The following ARHGEF10 variants were observed in gnomAD, a reference collection of about 807,000 sequenced individuals.
The protein encoded by ARHGEF10 is Rho guanine nucleotide exchange factor 10, also known as Rho guanine nucleotide exchange factor (GEF) 10.
In ARHGEF10, 140 loss-of-function variants were observed where a neutral mutation model predicts 147.4. That is an observed-to-expected ratio of 0.95 (90% CI 0.83 to 1.09). The LOEUF is 1.09. Ranked by LOEUF, ARHGEF10 falls within the 50% of genes least tolerant of loss-of-function variation. The probability of loss-of-function intolerance (pLI) is 0.00; values close to 1 mark genes in which losing one functional copy is unlikely to be tolerated. For synonymous variants in ARHGEF10, 902 were observed against 695.8 expected (o/e 1.30, Z -4.67); for missense variants, 2,222 against 1,752.7 (o/e 1.27, Z -4.78).
chr8:1,843,852 C>G (rs1804289753), intron 2 of ARHGEF10, among the ~76,000 whole-genome samples: 2 of 152,222 alleles, frequency 1.3e-5, no homozygotes, highest in Admixed American at 1.3e-4. Context: ...CCTCCCTCCT[C>G]TGAGCGGCCG....
intron 4 of ARHGEF10, among the ~76,000 whole-genome samples, chr8:1,862,045 G>C (rs1368793670): frequency 1.3e-5 from 2 of 152,226 alleles, no homozygotes; most frequent in Non-Finnish European, 2.9e-5. Flanking sequence ...AAGTCCCGGA[G>C]TAGAGGAGCA....
intron 27 of ARHGEF10, among the ~76,000 whole-genome samples, chr8:1,950,956 G>A (rs1350886808): frequency 2.0e-5 from 3 of 152,070 alleles, no homozygotes; most frequent in South Asian, 2.1e-4. Flanking sequence ...TTTCAGTCAC[G>A]CAGCCGCAGC....
chr8:1,881,301 G>A (rs1419560598), intron 9 of ARHGEF10, among the ~76,000 whole-genome samples: 1 of 149,840 alleles, frequency 6.7e-6, no homozygotes, highest in Non-Finnish European at 1.5e-5. Flanking sequence ...GGAGCATGGC[G>A]GCCCTCCAGT....
chr8:1,831,875 G>A (rs1421618018), intron 1 of ARHGEF10, among the ~76,000 whole-genome samples: 2 of 152,216 alleles, frequency 1.3e-5, no homozygotes, highest in Non-Finnish European at 2.9e-5. Flanking sequence ...GTGGCCCTGG[G>A]TCAGGAGTGC....
At chr8:1,901,112 TG>T (rs1810416275) in intron 15 of ARHGEF10, among the ~76,000 whole-genome samples, 1 of 152,066 alleles carries the variant, frequency 6.6e-6, no homozygotes, top group Non-Finnish European at 1.5e-5. Context: ...AGTCATTGTG[TG>T]GATGTGCCTG....
chr8:1,920,967 G>A (rs74580390), intron 18 of ARHGEF10, among the ~76,000 whole-genome samples: 2 of 152,056 alleles, frequency 1.3e-5, no homozygotes, highest in African/African-American at 2.4e-5. Context: ...TGTATTTTTA[G>A]TAGAGACGGG....
intron 18 of ARHGEF10, among the ~76,000 whole-genome samples, chr8:1,913,679 C>T (rs747854644): frequency 1.1e-4 from 17 of 152,328 alleles, no homozygotes; most frequent in Admixed American, 5.9e-4. Context: ...AAGGCCGCTG[C>T]CTCCCTGTGT....
intron 26 of ARHGEF10, 108 bp from the exon 27 acceptor site, chr8:1,945,373 T>G (rs62479180): frequency 1.7e-5 from 23 of 1,323,892 alleles, no homozygotes; most frequent in Non-Finnish European, 2.3e-5. Flanking sequence ...AGCCTGCTAC[T>G]GTGTTGCAGC....
intron 27 of ARHGEF10, among the ~76,000 whole-genome samples, chr8:1,950,050 C>A (rs1371484811): frequency 6.6e-6 from 1 of 152,168 alleles, no homozygotes; most frequent in Non-Finnish European, 1.5e-5. Flanking sequence ...CCTGGTGACT[C>A]CCCACGGAGT....
rs1451065127 is a variant in ARHGEF10 at position 1,929,212 on chromosome 8, T to A, written c.2922-74T>A. 2.0e-6 allele frequency: 3 copies of A among 1,504,022 alleles called. 1 individual carries two copies. The African/African-American group carries it at 4.1e-5, about 21-fold the overall frequency. 93.2% of individuals were successfully genotyped at this position (1,504,022 alleles called of 1,614,324 possible). ...AGAGGGAAGAGTTGAAATGTTTGTG[T>A]TTATGTTAACAGGCACCCTCGTTCT... On this transcript the variant is annotated intron_variant, in intron 24 of 28. Transcript: ENST00000349830.
Position 1,898,492 on chromosome 8 carries a change from C to A in ARHGEF10, c.1617C>A (p.Ile539=). The A allele has an allele frequency of 6.2e-7, 1 of 1,614,134 alleles. No individual in the cohort carries two copies. Among genetic ancestry groups the A allele is most frequent in the African/African-American group, 1.3e-5 (1 of 75,032 alleles). The change falls in exon 15 of 29, where the codon ATC becomes ATA. Residue 539 remains isoleucine, a synonymous_variant. Coordinates refer to ENST00000349830, the MANE Select transcript of ARHGEF10 (RefSeq NM_014629.4). ...TCTACAGCCTGATGATGAAGCCCATCCAGAGGTTCCCACAGTTCATCCTCC... is the reference window on the plus strand; with the variant it reads ...TCTACAGCCTGATGATGAAGCCCATACAGAGGTTCCCACAGTTCATCCTCC... ...TTLYSLMMKP[I]QRFPQFILLL...
intron 1 of ARHGEF10, among the ~76,000 whole-genome samples, chr8:1,828,233 G>A (rs1010314504): frequency 2.0e-5 from 3 of 152,206 alleles, no homozygotes; most frequent in East Asian, 3.8e-4. Flanking sequence ...TTTTGTGCCC[G>A]TGGCTTGTTG....
At chr8:1,940,245 G>A (rs945350196) in intron 26 of ARHGEF10, among the ~76,000 whole-genome samples, 3 of 152,116 alleles carry the variant, frequency 2.0e-5, no homozygotes, top group Non-Finnish European at 2.9e-5. Flanking sequence ...TATGGAAGTC[G>A]CCTTCCTCTG....
chr8:1,902,975 A>G (rs937522585), intron 15 of ARHGEF10, among the ~76,000 whole-genome samples: 2 of 152,192 alleles, frequency 1.3e-5, no homozygotes, highest in Admixed American at 1.3e-4. Context: ...AGGAGAATCT[A>G]TCATCATCGT....
At chr8:1,835,292 T>G (rs1033929926) in intron 1 of ARHGEF10, among the ~76,000 whole-genome samples, 4 of 152,206 alleles carry the variant, frequency 2.6e-5, no homozygotes, top group Non-Finnish European at 5.9e-5. Context: ...GCACAGAGCC[T>G]GTCCCTGCCC....
chr8:1,923,659 A>G, intron 20 of ARHGEF10, 64 bp downstream of exon 20: 2 of 1,614,148 alleles, frequency 1.2e-6, no homozygotes, highest in Non-Finnish European at 1.7e-6. Flanking sequence ...GTTCTTTGTC[A>G]TGACATGTAT....
rs139782983 is a variant in ARHGEF10 at position 1,873,213 on chromosome 8, C to T, written c.680-3358C>T. On this transcript the variant is annotated intron_variant, in intron 7 of 28. Transcript: ENST00000349830. Reference sequence around the variant, plus strand: ...CGCCGCAGGAGGGCCCTGTGGGATGCTCTGTGCAGAGCTGTTGTGCGGACC... The same window carrying T: ...CGCCGCAGGAGGGCCCTGTGGGATGTTCTGTGCAGAGCTGTTGTGCGGACC... 1.2e-3 allele frequency among the ~76,000 whole-genome samples: 182 copies of T among 152,350 alleles called. 1 individual carries two copies. The highest frequency in any genetic ancestry group is 8.8e-3 in the Admixed American group (134 of 15,304).
intron 7 of ARHGEF10, chr8:1,869,478 C>G (rs749791374): frequency 1.5e-6 from 1 of 650,226 alleles, no homozygotes; most frequent in Non-Finnish European, 2.8e-6. Flanking sequence ...TTATCCCAAG[C>G]AAACAGAGGA....
chr8:1,887,438 G>A (rs892193871), intron 11 of ARHGEF10, among the ~76,000 whole-genome samples: 1 of 147,724 alleles, frequency 6.8e-6, no homozygotes, highest in African/African-American at 2.7e-5. Flanking sequence ...TGAGGGGTCT[G>A]TGAGGAGATA....
Sources: allele counts gnomAD v4.1 joint callset (sites outside exome capture counted in the v4.1 genomes callset), GRCh38; gene constraint gnomAD v4.1.1; transcripts MANE v1.5; gene names NCBI Gene and HGNC (gene_info 2026-07-23, HGNC 2026-07-21).